The following LINGO2 variants were observed in gnomAD, a reference collection of about 807,000 sequenced individuals.
LINGO2 encodes the protein leucine-rich repeat and immunoglobulin-like domain-containing nogo receptor-interacting protein 2.
LINGO2 carries 14 observed loss-of-function variants against 30.6 expected under a neutral mutation model. The ratio of observed to expected loss-of-function variants is 0.46; its 90% CI spans 0.30 to 0.72. LINGO2 has a LOEUF of 0.72. Among genes scored for constraint, LINGO2 ranks in the 30% least tolerant of loss-of-function variants. The probability of loss-of-function intolerance (pLI) is 0.07; values close to 1 mark genes in which losing one functional copy is unlikely to be tolerated. For missense variants in LINGO2, 729 were observed against 751.7 expected (o/e 0.97, Z 0.35); for synonymous variants, 317 against 288.5 (o/e 1.10, Z -1.00).
chr9:28,880,524 G>A, the LINGO2 span, among the ~76,000 whole-genome samples: 3 of 152,118 alleles, frequency 2.0e-5, no homozygotes, highest in Non-Finnish European at 2.9e-5. Flanking sequence ...GTGGAAAGCC[G>A]CAGGGACCTC....
chr9:29,194,838 T>A, the LINGO2 span, among the ~76,000 whole-genome samples: 2 of 152,214 alleles, frequency 1.3e-5, no homozygotes, highest in Non-Finnish European at 2.9e-5. Context: ...GATATTGACA[T>A]TGAAAAAAGC....
the LINGO2 span, among the ~76,000 whole-genome samples, chr9:28,810,788 T>C: frequency 6.6e-6 from 1 of 152,260 alleles, no homozygotes; most frequent in Admixed American, 6.5e-5. Flanking sequence ...GTTTTCCTTC[T>C]GGCTTCTAGG....
At chr9:29,130,291 A>T in the LINGO2 span, among the ~76,000 whole-genome samples, 1 of 152,120 alleles carries the variant, frequency 6.6e-6, no homozygotes, top group Admixed American at 6.6e-5. Context: ...GGTTATCTTA[A>T]AGAAAATAAT....
At chr9:28,982,293 C>A in the LINGO2 span, among the ~76,000 whole-genome samples, 1 of 152,016 alleles carries the variant, frequency 6.6e-6, no homozygotes, top group Non-Finnish European at 1.5e-5. Flanking sequence ...AATAAACCAT[C>A]ATTTAAGTCT....
chr9:28,151,827 T>A (rs1010236253), intron 4 of LINGO2, among the ~76,000 whole-genome samples: 9 of 152,262 alleles, frequency 5.9e-5, no homozygotes, highest in African/African-American at 2.2e-4. Context: ...CTATAAAGTT[T>A]GTAAAAAGTA....
At chr9:28,528,386 A>G (rs1181480294) in intron 1 of LINGO2, among the ~76,000 whole-genome samples, 1 of 152,178 alleles carries the variant, frequency 6.6e-6, no homozygotes, top group Non-Finnish European at 1.5e-5. Context: ...AGTTTCAGAA[A>G]GAGAAAACAG....
At chr9:29,196,849 A>T in the LINGO2 span, among the ~76,000 whole-genome samples, 36 of 152,138 alleles carry the variant, frequency 2.4e-4, no homozygotes, top group South Asian at 1.5e-3. Flanking sequence ...AATAACGGAA[A>T]ATATGTCAGT....
downstream of LINGO2, among the ~76,000 whole-genome samples, chr9:27,945,826 G>C (rs146920475): frequency 2.3e-3 from 350 of 152,228 alleles, 2 homozygotes; most frequent in Non-Finnish European, 2.4e-3. Context: ...CAGATAGTGA[G>C]AGTGTAGAAA....
chr9:29,038,653 TAAAC>T, the LINGO2 span, among the ~76,000 whole-genome samples: 3 of 122,290 alleles, frequency 2.5e-5, no homozygotes, highest in Non-Finnish European at 5.0e-5. Flanking sequence ...GAGAATTAAT[TAAAC>T]AGAGTTCACT....
At chr9:28,280,240 C>A (rs1451687779) in intron 4 of LINGO2, among the ~76,000 whole-genome samples, 1 of 152,060 alleles carries the variant, frequency 6.6e-6, no homozygotes, top group African/African-American at 2.4e-5. Context: ...GTGTTCAACA[C>A]TTTATTAGGC....
At chr9:28,579,068 T>TG (rs1308465134) in intron 1 of LINGO2, among the ~76,000 whole-genome samples, 3 of 151,782 alleles carry the variant, frequency 2.0e-5, no homozygotes, top group Admixed American at 6.6e-5. Context: ...GCTCTTTTTT[T>TG]TTTGTTTCTA....
At chr9:28,925,853 C>T in the LINGO2 span, among the ~76,000 whole-genome samples, 1 of 152,158 alleles carries the variant, frequency 6.6e-6, no homozygotes, top group Non-Finnish European at 1.5e-5. Flanking sequence ...ACACAAAACT[C>T]TTTCACTTAC....
At chr9:28,288,643 G>A (rs573176077) in intron 4 of LINGO2, among the ~76,000 whole-genome samples, 1 of 152,240 alleles carries the variant, frequency 6.6e-6, no homozygotes, top group East Asian at 1.9e-4. Context: ...TGTTTTACAT[G>A]TGCTAGGCTT....
chr9:28,549,889 T>C (rs1396999928), intron 1 of LINGO2, among the ~76,000 whole-genome samples: 1 of 151,876 alleles, frequency 6.6e-6, no homozygotes, highest in African/African-American at 2.4e-5. Flanking sequence ...CCATTTTTGA[T>C]AATAATTTAA....
intron 4 of LINGO2, among the ~76,000 whole-genome samples, chr9:28,291,357 A>G (rs570023208): frequency 3.1e-4 from 47 of 152,288 alleles, no homozygotes; most frequent in African/African-American, 1.1e-3. Context: ...AATCATTACT[A>G]CATCCACGTG....
At chr9:28,387,464 A>C (rs557754805) in intron 2 of LINGO2, among the ~76,000 whole-genome samples, 170 of 152,330 alleles carry the variant, frequency 1.1e-3, no homozygotes, top group African/African-American at 3.8e-3. Flanking sequence ...TGGCCACTGG[A>C]GCCAGCAGCA....
intron 1 of LINGO2, among the ~76,000 whole-genome samples, chr9:28,624,303 G>A (rs994734008): frequency 6.6e-6 from 1 of 152,016 alleles, no homozygotes; most frequent in Non-Finnish European, 1.5e-5. Context: ...GATACTAGCT[G>A]TGCATCTGTC....
At chr9:28,233,594 T>C (rs1203082561) in intron 4 of LINGO2, among the ~76,000 whole-genome samples, 1 of 152,224 alleles carries the variant, frequency 6.6e-6, no homozygotes, top group Non-Finnish European at 1.5e-5. Flanking sequence ...TTCTTTTTAA[T>C]TCTCATTAAA....
At chr9:28,254,866 G>T (rs1208746407) in intron 4 of LINGO2, among the ~76,000 whole-genome samples, 1 of 152,004 alleles carries the variant, frequency 6.6e-6, no homozygotes, top group Non-Finnish European at 1.5e-5. Context: ...TCATCACCCA[G>T]GTATTAAGCC....
Sources: allele counts gnomAD v4.1 joint callset (sites outside exome capture counted in the v4.1 genomes callset), GRCh38; gene constraint gnomAD v4.1.1; transcripts MANE v1.5; gene names NCBI Gene and HGNC (gene_info 2026-07-23, HGNC 2026-07-21).